Variants in CHKA observed in about 807,000 individuals in gnomAD.
CHKA encodes the protein CHETK-alpha.
A neutral mutation model predicts 60.1 loss-of-function variants in CHKA; 34 were observed. The ratio of observed to expected loss-of-function variants is 0.57; its 90% CI spans 0.43 to 0.75. The LOEUF (loss-of-function observed/expected upper bound fraction) is 0.75, where lower values mean the gene tolerates loss of function less well. CHKA is among the 30% of genes least tolerant of loss of function. The pLI, the probability that CHKA is intolerant of heterozygous loss-of-function variation, is 0.00. For synonymous variants in CHKA, 217 were observed against 223.1 expected (o/e 0.97, Z 0.24); for missense variants, 563 against 561.3 (o/e 1.00, Z -0.03).
intron 2 of CHKA, among the ~76,000 whole-genome samples, chr11:68,082,955 C>T (rs1272492326): frequency 1.3e-5 from 2 of 152,178 alleles, no homozygotes; most frequent in African/African-American, 2.4e-5. Flanking sequence ...CAGATCTTTG[C>T]AGATGGTTTG....
intron 3 of CHKA, among the ~76,000 whole-genome samples, chr11:68,079,155 A>C (rs1298909192): frequency 6.6e-6 from 1 of 152,004 alleles, no homozygotes; most frequent in Non-Finnish European, 1.5e-5. Flanking sequence ...GCTGGTCTCA[A>C]ACTTGTGACC....
chr11:68,115,926 A>C (rs1858367255), intron 1 of CHKA, among the ~76,000 whole-genome samples: 1 of 152,210 alleles, frequency 6.6e-6, no homozygotes, highest in African/African-American at 2.4e-5. Flanking sequence ...AATGAAAAGT[A>C]GGGAGTTTGG....
intron 3 of CHKA, among the ~76,000 whole-genome samples, chr11:68,081,061 G>A (rs568562450): frequency 2.0e-5 from 3 of 152,208 alleles, no homozygotes; most frequent in Non-Finnish European, 2.9e-5. Flanking sequence ...CCAGAAAGGG[G>A]GTGAGAGAGG....
rs1856529696 is a variant in CHKA, at chr11:68,068,935, G to A, written c.872C>T (p.Ser291Leu). ...NLPLELENLR[S>L]LLESTPSPVV... is the part of the protein sequence containing the mutation. ...TGGAGATGGAGTAGATTCAAGCAAT[G>A]ATCTGAAAAGAAAGGTTTCACTGTT... The change falls in exon 7 of 12, where the codon TCA (serine) becomes TTA (leucine). Residue 291 changes from serine (S) to leucine (L), a missense_variant and splice_region_variant. Coordinates refer to ENST00000265689, the MANE Select transcript of CHKA (RefSeq NM_001277.3). The A allele has an allele frequency of 1.2e-6, 2 of 1,610,538 alleles. No homozygotes were observed. Among genetic ancestry groups the A allele is most frequent in the Non-Finnish European group, 1.7e-6 (2 of 1,177,988 alleles).
chr11:68,087,729 C>G lies in CHKA; in HGVS notation c.463-6272G>C, dbSNP rs553923333. Among the ~76,000 whole-genome samples the G allele has an allele frequency of 2.0e-5, 3 of 152,258 alleles. No homozygotes were observed. In the South Asian group the frequency reaches 6.2e-4, roughly 32 times the overall value. On this transcript the variant is annotated intron_variant, in intron 2 of 11. Transcript: ENST00000265689. Reference sequence around the variant, plus strand: ...CCAAAAAATAACTAAATGGATCATTCAGCTTACTGTCTCTTTTAAAGGCTT... The same window carrying G: ...CCAAAAAATAACTAAATGGATCATTGAGCTTACTGTCTCTTTTAAAGGCTT...
Position 68,070,310 on chromosome 11 carries a change from A to C in CHKA, c.765-17T>G. 6.6e-7 allele frequency: 1 copy of C among 1,517,124 alleles called. No homozygotes were observed. The highest frequency in any genetic ancestry group is 9.1e-7 in the Non-Finnish European group (1 of 1,093,106). 94.0% of individuals were successfully genotyped at this position (1,517,124 alleles called of 1,614,324 possible). ...TTTAGATACCTATTAAAAAATTTTC[A>C]AAAAAGAACAGAACAAAGAATCACC... On this transcript the variant is annotated splice_polypyrimidine_tract_variant and intron_variant, in intron 5 of 11. Coordinates refer to ENST00000265689, the MANE Select transcript of CHKA (RefSeq NM_001277.3).
intron 11 of CHKA, among the ~76,000 whole-genome samples, chr11:68,060,194 ATT>A (rs927628768): frequency 6.9e-6 from 1 of 144,972 alleles, no homozygotes; most frequent in Non-Finnish European, 1.5e-5. Flanking sequence ...GGCCCAGCTA[ATT>A]TTTTTTTTTG....
chr11:68,104,051 T>C (rs1276246215), intron 1 of CHKA, among the ~76,000 whole-genome samples: 4 of 152,134 alleles, frequency 2.6e-5, no homozygotes, highest in East Asian at 3.8e-4. Context: ...GCAGCACTAG[T>C]CACAAAAGCC....
intron 3 of CHKA, among the ~76,000 whole-genome samples, chr11:68,076,896 C>A (rs1217671846): frequency 6.6e-6 from 1 of 152,038 alleles, no homozygotes; most frequent in Non-Finnish European, 1.5e-5. Context: ...TATTTATTCA[C>A]AGTAGGAAGA....
intron 3 of CHKA, among the ~76,000 whole-genome samples, chr11:68,079,408 C>A (rs1856902523): frequency 6.6e-6 from 1 of 151,732 alleles, no homozygotes; most frequent in Admixed American, 6.6e-5. Context: ...CGGCTCACTG[C>A]AAGCTCTGCC....
chr11:68,061,721 G>GT (rs1364622507), intron 11 of CHKA: 2 of 574,424 alleles, frequency 3.5e-6, no homozygotes, highest in South Asian at 3.1e-5. Flanking sequence ...TGGCCTGGAA[G>GT]TGAGGGCAAC....
At chr11:68,112,066 A>AG (rs1410749130) in intron 1 of CHKA, among the ~76,000 whole-genome samples, 1 of 127,528 alleles carries the variant, frequency 7.8e-6, no homozygotes, top group Non-Finnish European at 1.6e-5. Flanking sequence ...AAAAAAAAAA[A>AG]AAAAAAAAAA....
intron 2 of CHKA, 169 bp from the exon 3 acceptor site, chr11:68,081,626 G>C: frequency 1.7e-6 from 1 of 580,542 alleles, no homozygotes; most frequent in Non-Finnish European, 3.1e-6. Flanking sequence ...GCAGCCTCCA[G>C]CACTAGTACC....
chr11:68,093,456 T>C (rs1254167227), intron 2 of CHKA, among the ~76,000 whole-genome samples: 2 of 152,252 alleles, frequency 1.3e-5, no homozygotes, highest in Admixed American at 6.5e-5. Flanking sequence ...ATTGGAATTA[T>C]ATGTAAAACA....
chr11:68,069,501 A>G (rs757705654), intron 6 of CHKA, among the ~76,000 whole-genome samples: 1 of 152,008 alleles, frequency 6.6e-6, no homozygotes, highest in African/African-American at 2.4e-5. Flanking sequence ...TCTGGCCAAC[A>G]TGGTGTAACC....
chr11:68,091,689 C>T (rs767604927), intron 2 of CHKA, among the ~76,000 whole-genome samples: 24 of 152,132 alleles, frequency 1.6e-4, no homozygotes, highest in Non-Finnish European at 4.4e-5. Flanking sequence ...TACCAAAGAG[C>T]AGTCATTTCA....
At chr11:68,082,801 A>G (rs891761606) in intron 2 of CHKA, among the ~76,000 whole-genome samples, 6 of 152,260 alleles carry the variant, frequency 3.9e-5, no homozygotes, top group Non-Finnish European at 7.3e-5. Context: ...AGTTAAGTAC[A>G]TTTGGTACAA....
chr11:68,054,252 A>C (rs916216632), intron 11 of CHKA, among the ~76,000 whole-genome samples: 9 of 151,968 alleles, frequency 5.9e-5, no homozygotes, highest in Non-Finnish European at 1.2e-4. Flanking sequence ...CCCACCCCAC[A>C]CACCTTCATT....
intron 1 of CHKA, among the ~76,000 whole-genome samples, chr11:68,115,966 C>T (rs1009607567): frequency 6.6e-6 from 1 of 152,126 alleles, no homozygotes; most frequent in African/African-American, 2.4e-5. Flanking sequence ...ATTATGATGG[C>T]ACCATAAGAC....
Sources: allele counts gnomAD v4.1 joint callset (sites outside exome capture counted in the v4.1 genomes callset), GRCh38; gene constraint gnomAD v4.1.1; transcripts MANE v1.5; gene names NCBI Gene and HGNC (gene_info 2026-07-23, HGNC 2026-07-21).